RBFOX2: variants seen among roughly 807,000 people sequenced by gnomAD.
RBFOX2 encodes RNA binding fox-1 homolog 2, also known as RNA binding protein fox-1 homolog 2.
RBFOX2 carries 10 observed loss-of-function variants against 49.1 expected under a neutral mutation model. That is an observed-to-expected ratio of 0.20 (90% CI 0.13 to 0.35). The LOEUF (loss-of-function observed/expected upper bound fraction) is 0.35. Among genes scored for constraint, RBFOX2 ranks in the 10% least tolerant of loss-of-function variants. The probability of loss-of-function intolerance (pLI) is 1.00; values close to 1 mark genes in which losing one functional copy is unlikely to be tolerated. For missense variants in RBFOX2, 323 were observed against 486.9 expected (o/e 0.66, Z 3.17); for synonymous variants, 183 against 187.4 (o/e 0.98, Z 0.19).
At chr22:35,952,822 G>T (rs1010041579) in intron 1 of RBFOX2, among the ~76,000 whole-genome samples, 3 of 152,060 alleles carry the variant, frequency 2.0e-5, no homozygotes, top group Non-Finnish European at 2.9e-5. Context: ...ATATGACCCA[G>T]CAATTCCACT....
At chr22:35,778,644 A>T (rs954983923) in intron 3 of RBFOX2, among the ~76,000 whole-genome samples, 4 of 142,236 alleles carry the variant, frequency 2.8e-5, no homozygotes, top group Admixed American at 2.1e-4. Context: ...AATTTGCTTT[A>T]AAAAAAAAAA....
At chr22:36,015,501 T>C (rs954202949) in intron 1 of RBFOX2, among the ~76,000 whole-genome samples, 1 of 152,212 alleles carries the variant, frequency 6.6e-6, no homozygotes, top group Middle Eastern at 3.2e-3. Flanking sequence ...GAAGCTTGTA[T>C]ATGAGAAGCA....
intron 1 of RBFOX2, among the ~76,000 whole-genome samples, chr22:35,902,164 C>T (rs1319765844): frequency 6.6e-6 from 1 of 152,120 alleles, no homozygotes; most frequent in Non-Finnish European, 1.5e-5. Flanking sequence ...AAAGAACTTC[C>T]CTTACTTCTA....
intron 1 of RBFOX2, among the ~76,000 whole-genome samples, chr22:36,023,017 T>A (rs1016647198): frequency 6.6e-6 from 1 of 151,856 alleles, no homozygotes; most frequent in African/African-American, 2.4e-5. Flanking sequence ...CAGGGAGAGA[T>A]GAAAAATTCA....
At chr22:35,941,510 C>CTACA, upstream of RBFOX2, among the ~76,000 whole-genome samples, 1 of 152,178 alleles carries the variant, frequency 6.6e-6, no homozygotes, top group East Asian at 1.9e-4. Flanking sequence ...GTCTGCTGGA[C>CTACA]TACAAACCCC....
chr22:35,968,573 A>C (rs2056697313), intron 1 of RBFOX2, among the ~76,000 whole-genome samples: 1 of 152,228 alleles, frequency 6.6e-6, no homozygotes, highest in Admixed American at 6.5e-5. Flanking sequence ...AAACTCTTTT[A>C]TCAGGAAAAT....
Position 35,746,469 on chromosome 22 carries a change from A to C in RBFOX2, c.976+4T>G. The C allele has an allele frequency of 6.3e-7, 1 of 1,590,202 alleles. No homozygotes were observed. The highest frequency in any genetic ancestry group is 8.6e-7 in the Non-Finnish European group (1 of 1,163,880). On this transcript the variant is annotated splice_donor_region_variant and intron_variant, in intron 10 of 11. Transcript: ENST00000405409. The stretch of plus-strand genomic sequence containing the variant: ...CCAAAGCTCACCACTGTCTCTGTAC[A>C]TACCCGTCACTGTAAGCGGCTGCAG...
chr22:35,858,637 CCAACA>C (rs1311007304), intron 1 of RBFOX2, among the ~76,000 whole-genome samples: 1 of 151,832 alleles, frequency 6.6e-6, no homozygotes, highest in Non-Finnish European at 1.5e-5. Context: ...ACCAGCCTGG[CCAACA>C]CGGTGAAACC....
At chr22:35,788,147 T>C (rs1028381270) in intron 2 of RBFOX2, among the ~76,000 whole-genome samples, 33 of 151,866 alleles carry the variant, frequency 2.2e-4, no homozygotes, top group Admixed American at 2.1e-3. Context: ...AACTAGGAAA[T>C]TGATTGATTT....
chr22:35,806,927 C>T (rs1216856657), intron 2 of RBFOX2, among the ~76,000 whole-genome samples: 4 of 152,074 alleles, frequency 2.6e-5, no homozygotes, highest in African/African-American at 9.7e-5. Context: ...ACCTCAGCCT[C>T]TGAGTAGCTG....
At chr22:35,785,543 C>G (rs1946209154) in intron 2 of RBFOX2, among the ~76,000 whole-genome samples, 1 of 152,166 alleles carries the variant, frequency 6.6e-6, no homozygotes, top group South Asian at 2.1e-4. Flanking sequence ...AGCTGTGAAT[C>G]AGAGATACTT....
At chr22:35,862,868 T>C (rs914041995) in intron 1 of RBFOX2, among the ~76,000 whole-genome samples, 3 of 152,228 alleles carry the variant, frequency 2.0e-5, no homozygotes, top group African/African-American at 7.2e-5. Flanking sequence ...GATATATGAA[T>C]AGGCCTGGCA....
Position 35,982,993 on chromosome 22 carries a change from C to G in RBFOX2, c.187-44096G>C, listed in dbSNP as rs189816532. Reference sequence around the variant, plus strand: ...CTCCCCTTAGCCTCTTCCCTTCCTCCCCTACAAGGCAGCAAAGCAAACAAT... The same window carrying G: ...CTCCCCTTAGCCTCTTCCCTTCCTCGCCTACAAGGCAGCAAAGCAAACAAT... On this transcript the variant is annotated intron_variant, in intron 1 of 13. Coordinates refer to the RBFOX2 transcript ENST00000438146. 1.7e-3 allele frequency among the ~76,000 whole-genome samples: 259 copies of G among 152,202 alleles called. 7 individuals carry two copies. Among genetic ancestry groups the G allele is most frequent in the Admixed American group, 0.015 (228 of 15,274 alleles).
chr22:35,935,831 C>A (rs1440530458), intron 1 of RBFOX2, among the ~76,000 whole-genome samples: 1 of 152,110 alleles, frequency 6.6e-6, no homozygotes, highest in Non-Finnish European at 1.5e-5. Context: ...TTGGATAAGT[C>A]ACTTTACCTC....
chr22:35,973,163 T>G (rs1293994058), intron 1 of RBFOX2, among the ~76,000 whole-genome samples: 1 of 152,176 alleles, frequency 6.6e-6, no homozygotes, highest in Non-Finnish European at 1.5e-5. Context: ...ATGAGGTAAT[T>G]ATAAAGTACT....
intron 1 of RBFOX2, among the ~76,000 whole-genome samples, chr22:35,878,035 CTACT>C (rs1373311756): frequency 8.7e-6 from 1 of 114,338 alleles, no homozygotes; most frequent in Non-Finnish European, 1.7e-5. Flanking sequence ...ACTACTACTA[CTACT>C]ACACACACAC....
intron 1 of RBFOX2, among the ~76,000 whole-genome samples, chr22:35,979,751 T>C (rs2057367829): frequency 6.6e-6 from 1 of 152,140 alleles, no homozygotes; most frequent in Admixed American, 6.6e-5. Flanking sequence ...TAACAGGAAT[T>C]TAAGAGTACA....
chr22:35,749,508 T>C lies in RBFOX2; in HGVS notation c.888-2947A>G, dbSNP rs1004262342. 1.3e-5 allele frequency among the ~76,000 whole-genome samples: 2 copies of C among 151,644 alleles called. No individual in the cohort carries two copies. The highest frequency in any genetic ancestry group is 4.8e-5 in the African/African-American group (2 of 41,340). ...TGGATGTATTCCTCTCTCTCTCTCTTACACACACACACGCACACACACACA... is the reference window on the plus strand; with the variant it reads ...TGGATGTATTCCTCTCTCTCTCTCTCACACACACACACGCACACACACACA... On this transcript the variant is annotated intron_variant, in intron 9 of 11. Coordinates refer to ENST00000405409, the Ensembl canonical transcript of RBFOX2. The surrounding 1 kb of genome is among the most constrained non-coding windows in gnomAD (Gnocchi z 4.1).
At chr22:35,918,263 C>T (rs1392948313) in intron 1 of RBFOX2, among the ~76,000 whole-genome samples, 1 of 152,216 alleles carries the variant, frequency 6.6e-6, no homozygotes, top group Non-Finnish European at 1.5e-5. Context: ...AAAAGACTTA[C>T]ATCCTGAGCC....
Sources: allele counts gnomAD v4.1 joint callset (sites outside exome capture counted in the v4.1 genomes callset), GRCh38; gene constraint gnomAD v4.1.1; non-coding constraint Gnocchi (gnomAD v3.1); transcripts MANE v1.5; gene names NCBI Gene and HGNC (gene_info 2026-07-23, HGNC 2026-07-21).